Variants in VWA8 observed in about 807,000 individuals in gnomAD.
VWA8 encodes von Willebrand factor A domain containing 8, also known as von Willebrand factor A domain-containing protein 8.
VWA8 carries 221 observed loss-of-function variants against 241.5 expected under a neutral mutation model. That is an observed-to-expected ratio of 0.91 (90% CI 0.82 to 1.02). VWA8 has a LOEUF of 1.02. Ranked by LOEUF, VWA8 falls within the 50% of genes least tolerant of loss-of-function variation. The pLI, the probability that VWA8 is intolerant of heterozygous loss-of-function variation, is 0.00. For synonymous variants in VWA8, 852 were observed against 827.1 expected, an observed-to-expected ratio of 1.03 and a Z score of -0.52; for missense variants, 2,322 against 2,328.7, an observed-to-expected ratio of 1.00 and a Z score of 0.06.
intron 17 of VWA8, among the ~76,000 whole-genome samples, chr13:41,788,418 C>G (rs150343156): frequency 1.3e-5 from 2 of 152,136 alleles, no homozygotes; most frequent in Non-Finnish European, 2.9e-5. Context: ...AATAGACAAG[C>G]ATGTAAAGAA....
At chr13:41,885,747 C>A (rs1006921224) in intron 8 of VWA8, among the ~76,000 whole-genome samples, 173 bp downstream of exon 8, 2 of 152,238 alleles carry the variant, frequency 1.3e-5, no homozygotes, top group Non-Finnish European at 2.9e-5. Context: ...GGGCTCAGAA[C>A]ATGTCCTTGG....
At chr13:41,810,231 C>T (rs533693503) in intron 17 of VWA8, among the ~76,000 whole-genome samples, 1 of 152,098 alleles carries the variant, frequency 6.6e-6, no homozygotes, top group South Asian at 2.1e-4. Context: ...CTAGAACAAC[C>T]ATATGACACA....
chr13:41,736,821 G>A (rs1309559826), intron 21 of VWA8, among the ~76,000 whole-genome samples: 1 of 146,354 alleles, frequency 6.8e-6, no homozygotes, highest in Non-Finnish European at 1.5e-5. Flanking sequence ...CTGAAAAAAT[G>A]TTTGCTCGAT....
intron 1 of VWA8, among the ~76,000 whole-genome samples, chr13:41,953,740 C>T (rs757656302): frequency 5.3e-5 from 8 of 151,968 alleles, no homozygotes; most frequent in Non-Finnish European, 1.0e-4. Context: ...ACCAGGGAGG[C>T]GGAGGTTGCA....
chr13:41,749,321 A>C (rs1477368238), intron 21 of VWA8, among the ~76,000 whole-genome samples: 1 of 152,246 alleles, frequency 6.6e-6, no homozygotes, highest in African/African-American at 2.4e-5. Flanking sequence ...ATCTCACAGC[A>C]GTTAGAATGG....
intron 35 of VWA8, among the ~76,000 whole-genome samples, chr13:41,682,090 C>T (rs1239833468): frequency 2.0e-5 from 3 of 152,162 alleles, no homozygotes; most frequent in East Asian, 3.8e-4. Flanking sequence ...AGAATCTATA[C>T]TACCTGGGTC....
intron 2 of VWA8, among the ~76,000 whole-genome samples, chr13:41,947,774 A>C (rs1161151879): frequency 6.6e-6 from 1 of 151,884 alleles, no homozygotes; most frequent in African/African-American, 2.4e-5. Flanking sequence ...ATCTCTACCA[A>C]AAAATACAAA....
intron 2 of VWA8, among the ~76,000 whole-genome samples, chr13:41,937,013 G>A (rs1178145109): frequency 1.3e-5 from 2 of 152,050 alleles, no homozygotes; most frequent in African/African-American, 2.4e-5. Flanking sequence ...CCTTTTCAAT[G>A]TTTCAATACA....
chr13:41,917,679 A>G (rs1464605082), intron 2 of VWA8, among the ~76,000 whole-genome samples: 1 of 152,130 alleles, frequency 6.6e-6, no homozygotes, highest in African/African-American at 2.4e-5. Context: ...GATTTGGTGG[A>G]TATGAATAGG....
At chr13:41,728,584 T>C (rs1346089878) in intron 23 of VWA8, among the ~76,000 whole-genome samples, 1 of 151,846 alleles carries the variant, frequency 6.6e-6, no homozygotes, top group Admixed American at 6.6e-5. Flanking sequence ...TAATGCCTCA[T>C]AAGGGCAGGC....
chr13:41,637,143 T>C (rs1319736582), intron 37 of VWA8, among the ~76,000 whole-genome samples: 1 of 151,498 alleles, frequency 6.6e-6, no homozygotes, highest in African/African-American at 2.4e-5. Context: ...CTATTCACAA[T>C]AGCAGACTTG....
intron 24 of VWA8, among the ~76,000 whole-genome samples, chr13:41,724,195 G>T (rs1050137652): frequency 1.3e-5 from 2 of 152,182 alleles, no homozygotes; most frequent in Admixed American, 1.3e-4. Context: ...AACAGTTTCT[G>T]TGGAGTAATG....
intron 2 of VWA8, among the ~76,000 whole-genome samples, chr13:41,924,224 A>C (rs1042367349): frequency 1.3e-5 from 2 of 152,162 alleles, no homozygotes; most frequent in African/African-American, 4.8e-5. Context: ...AAAAAGAACC[A>C]AATAGAAATC....
intron 34 of VWA8, among the ~76,000 whole-genome samples, chr13:41,686,654 T>C (rs575655887): frequency 6.6e-6 from 1 of 152,276 alleles, no homozygotes; most frequent in East Asian, 1.9e-4. Context: ...GTAATTCCCC[T>C]CTCCAACAGT....
chr13:41,816,607 T>TA (rs1870704956), intron 16 of VWA8, 91 bp downstream of exon 16: 4 of 1,296,722 alleles, frequency 3.1e-6, no homozygotes, highest in Admixed American at 4.2e-5. Context: ...AATACCAGCT[T>TA]AAAAAATAGA....
rs376861790 is a variant in VWA8, at chr13:41,670,961, A to G, written c.4596T>C (p.Asp1532=). The G allele has an allele frequency of 2.8e-4, 457 of 1,613,676 alleles. No individual in the cohort carries two copies. The highest frequency in any genetic ancestry group is 3.6e-4 in the Non-Finnish European group (430 of 1,179,820). ...CAAATGGTACCTGCATATTTCTGTCATCTTGTCCAATCATGTTTCTCCATT... is the reference window on the plus strand; with the variant it reads ...CAAATGGTACCTGCATATTTCTGTCGTCTTGTCCAATCATGTTTCTCCATT... ...LMEWRNMIGQ[D]DRNMQITINR... The change falls in exon 37 of 45, where the codon GAT becomes GAC. Residue 1532 remains aspartate (D), a synonymous_variant. Transcript: ENST00000379310.
chr13:41,702,934 A>G (rs568244774), intron 27 of VWA8, among the ~76,000 whole-genome samples: 29 of 152,310 alleles, frequency 1.9e-4, no homozygotes, highest in African/African-American at 6.7e-4. Flanking sequence ...TATTACAACT[A>G]GTAACGGACA....
chr13:41,695,867 A>G (rs1464141133), intron 29 of VWA8, among the ~76,000 whole-genome samples: 1 of 152,228 alleles, frequency 6.6e-6, no homozygotes, highest in Non-Finnish European at 1.5e-5. Context: ...ATGTTACCAA[A>G]TAATTGGATC....
intron 26 of VWA8, among the ~76,000 whole-genome samples, chr13:41,707,530 T>C (rs2045290240): frequency 6.6e-6 from 1 of 152,172 alleles, no homozygotes; most frequent in South Asian, 2.1e-4. Flanking sequence ...CTACCATCTT[T>C]GAGAAGAAAA....
Sources: allele counts gnomAD v4.1 joint callset (sites outside exome capture counted in the v4.1 genomes callset), GRCh38; gene constraint gnomAD v4.1.1; transcripts MANE v1.5; gene names NCBI Gene and HGNC (gene_info 2026-07-23, HGNC 2026-07-21).